Variants in FAM118A observed in about 807,000 individuals in gnomAD.
FAM118A encodes protein FAM118A.
In FAM118A, 25 loss-of-function variants were observed where a neutral mutation model predicts 38.2. The observed-to-expected ratio is 0.65, with a 90% confidence interval of 0.48 to 0.91. The LOEUF (loss-of-function observed/expected upper bound fraction) is 0.91. FAM118A is among the 40% of genes least tolerant of loss of function. The pLI, the probability that FAM118A is intolerant of heterozygous loss-of-function variation, is 0.00. For synonymous variants in FAM118A, 178 were observed against 184.1 expected (o/e 0.97, Z 0.27); for missense variants, 425 against 463.3 (o/e 0.92, Z 0.76).
intron 4 of FAM118A, chr22:45,329,421 A>G (rs1472419062): frequency 6.6e-6 from 1 of 152,216 alleles, no homozygotes; most frequent in African/African-American, 2.4e-5. Flanking sequence ...CACCTTGTCC[A>G]TTTGATAGCT....
chr22:45,311,182 G>A (rs2084347557), intron 1 of FAM118A, among the ~76,000 whole-genome samples: 1 of 152,178 alleles, frequency 6.6e-6, no homozygotes, highest in African/African-American at 2.4e-5. Flanking sequence ...TGAAGGTTGA[G>A]CTAGAGGAGA....
chr22:45,340,575 C>G lies in FAM118A; in HGVS notation c.*170C>G. The G allele has an allele frequency of 1.3e-6, 1 of 743,896 alleles. No individual in the cohort carries two copies. Among genetic ancestry groups the G allele is most frequent in the Non-Finnish European group, 2.3e-6 (1 of 427,862 alleles). 46.1% of individuals were successfully genotyped at this position (743,896 alleles called of 1,614,324 possible). A position where few individuals can be genotyped will look rare whatever the true frequency, so the allele number is the denominator to read the frequency against. ...CCTCAAGGCTGGGTGAGAGGGCTCC[C>G]CTGTGTGTTGAACTATGCAGGAGGG... On this transcript the variant is annotated 3_prime_UTR_variant, in exon 9 of 9. Transcript: ENST00000441876.
chr22:45,326,184 G>A (rs1173825666), intron 3 of FAM118A, among the ~76,000 whole-genome samples: 3 of 111,460 alleles, frequency 2.7e-5, no homozygotes, highest in Admixed American at 1.0e-4. Context: ...CCCCCACCCC[G>A]CCTCTCTGTC....
chr22:45,319,158 A>T (rs2084740005), intron 1 of FAM118A, among the ~76,000 whole-genome samples: 1 of 152,246 alleles, frequency 6.6e-6, no homozygotes, highest in African/African-American at 2.4e-5. Flanking sequence ...ACAGTGGTTG[A>T]AAGAACTAGA....
chr22:45,339,931 C>G lies in FAM118A; in HGVS notation c.1055-455C>G, dbSNP rs6007598. Among the ~76,000 whole-genome samples, 1,112 of 152,316 alleles carry G rather than the reference C, an allele frequency of 7.3e-3. 12 individuals carry two copies. Among genetic ancestry groups the G allele is most frequent in the African/African-American group, 0.026 (1,063 of 41,560 alleles). On this transcript the variant is annotated intron_variant, in intron 8 of 8. Coordinates refer to ENST00000441876, the MANE Select transcript of FAM118A (RefSeq NM_017911.4). The stretch of plus-strand genomic sequence containing the variant: ...CACCTGCAGCCCCGGCTCTCCCCAC[C>G]CAGTCATGTCTCCTTAGGGCGAAGC...
At position 45,323,041 on chromosome 22, in the gene FAM118A, C is replaced by CTGTGTGTGTGTGTG. The variant is rs3041118; in HGVS notation, c.48-112_48-99dup. ...CGTCTCCCCACAGCGTCAGAGGGGA[C>CTGTGTGTGTGTGTG]TGTGTGTGTGTGTGTGTGTGTGTGT... is the stretch of plus-strand genomic sequence containing the variant. On this transcript the variant is annotated intron_variant, in intron 2 of 8. Coordinates refer to ENST00000441876, the MANE Select transcript of FAM118A (RefSeq NM_017911.4). The CTGTGTGTGTGTGTG allele has an allele frequency of 1.3e-3, 867 of 659,562 alleles. 1 individual carries two copies. The highest frequency in any genetic ancestry group is 6.1e-3 in the African/African-American group (324 of 52,984). The allele number at this position is 659,562 out of a possible 1,614,324, so 40.9% of individuals were successfully genotyped here.
At chr22:45,326,125 A>T (rs1243041088) in intron 3 of FAM118A, among the ~76,000 whole-genome samples, 5 of 152,152 alleles carry the variant, frequency 3.3e-5, no homozygotes, top group Non-Finnish European at 5.9e-5. Context: ...AGAGGGTGAC[A>T]ATGAGGCTGG....
Position 45,340,514 on chromosome 22 carries a change from G to A in FAM118A, c.*109G>A, listed in dbSNP as rs1404668391. On this transcript the variant is annotated 3_prime_UTR_variant, in exon 9 of 9. Transcript: ENST00000441876. ...CACGTGGATCTCTGATTGCGAAACC[G>A]TCACATACACCAAGAGAGCCACATG... 3.0e-5 allele frequency: 39 copies of A among 1,315,686 alleles called. No individual in the cohort carries two copies. The highest frequency in any genetic ancestry group is 4.7e-5 in the South Asian group (4 of 84,482). The allele number at this position is 1,315,686 out of a possible 1,614,324, so 81.5% of individuals were successfully genotyped here. A position where few individuals can be genotyped will look rare whatever the true frequency, so the allele number is the denominator to read the frequency against.
intron 1 of FAM118A, among the ~76,000 whole-genome samples, chr22:45,315,194 G>A (rs1434271258): frequency 2.0e-5 from 3 of 152,110 alleles, no homozygotes; most frequent in African/African-American, 7.2e-5. Flanking sequence ...GGGTGTATAC[G>A]TCCAAGCAGC....
chr22:45,336,402 T>C lies in FAM118A; in HGVS notation c.1045T>C (p.Ser349Pro), dbSNP rs2086098791. ...GIEVSKKRTQ[S>P]DTDDAGGS Reference sequence around the variant, plus strand: ...TGAAGTTTCAAAAAAACGCACACAATCAGATACTGGTATTGTGTCTGTTCT... The same window carrying C: ...TGAAGTTTCAAAAAAACGCACACAACCAGATACTGGTATTGTGTCTGTTCT... The change falls in exon 8 of 9, where the codon TCA becomes CCA. Residue 349 changes from serine to proline, a missense_variant. Ser to Pro is a moderately conservative substitution (Grantham distance 74). Transcript: ENST00000441876. The C allele has an allele frequency of 6.2e-7, 1 of 1,613,326 alleles. No individual in the cohort carries two copies. Among genetic ancestry groups the C allele is most frequent in the Non-Finnish European group, 8.5e-7 (1 of 1,179,282 alleles).
At chr22:45,332,322 G>A (rs2085779175) in intron 5 of FAM118A, 103 bp from the exon 6 acceptor site, 1 of 1,278,206 alleles carries the variant, frequency 7.8e-7, no homozygotes, top group Non-Finnish European at 1.1e-6. Context: ...GGGAACGCCT[G>A]TCAGGGAGCA....
At chr22:45,325,578 A>G (rs1414242825) in intron 3 of FAM118A, among the ~76,000 whole-genome samples, 1 of 152,126 alleles carries the variant, frequency 6.6e-6, no homozygotes, top group Admixed American at 6.5e-5. Flanking sequence ...CCAGGGTGCT[A>G]GAGAGGTGGG....
chr22:45,327,440 G>T (rs1318166097), intron 3 of FAM118A, among the ~76,000 whole-genome samples: 1 of 152,080 alleles, frequency 6.6e-6, no homozygotes, highest in African/African-American at 2.4e-5. Context: ...TCCTGCCTCC[G>T]TGGCCTCTTG....
chr22:45,336,282 G>T, intron 7 of FAM118A, 46 bp from the exon 8 acceptor site: 1 of 1,517,534 alleles, frequency 6.6e-7, no homozygotes, highest in Non-Finnish European at 9.1e-7. Context: ...GCCTTGGCGA[G>T]TGGATTCTGA....
chr22:45,339,004 G>A lies in FAM118A; in HGVS notation c.1055-1382G>A, dbSNP rs149129095. On this transcript the variant is annotated intron_variant, in intron 8 of 8. Transcript: ENST00000441876. The stretch of plus-strand genomic sequence containing the variant: ...TGGCAGGGGGTGGGGGCGCCCTAGC[G>A]TCCTGCCGTCCAGGGGCAGGGAAGA... 3.0e-3 allele frequency among the ~76,000 whole-genome samples: 454 copies of A among 152,354 alleles called. 2 individuals carry two copies. The highest frequency in any genetic ancestry group is 0.01 in the African/African-American group (432 of 41,584).
intron 8 of FAM118A, chr22:45,337,994 G>A: frequency 1.5e-6 from 1 of 662,576 alleles, no homozygotes; most frequent in African/African-American, 2.0e-5. Flanking sequence ...TTTCCTGGGA[G>A]TTTTTAGGAT....
intron 2 of FAM118A, 51 bp downstream of exon 2, chr22:45,322,477 G>A (rs367778605): frequency 4.0e-5 from 60 of 1,502,346 alleles, no homozygotes; most frequent in African/African-American, 3.1e-4. Context: ...TTCATCTAGC[G>A]TCTCTCGTGA....
chr22:45,323,406 T>G lies in FAM118A; in HGVS notation c.279T>G (p.Asp93Glu), dbSNP rs752123598. 6.2e-7 allele frequency: 1 copy of G among 1,613,976 alleles called. No homozygotes were observed. The highest frequency in any genetic ancestry group is 8.5e-7 in the Non-Finnish European group (1 of 1,179,866). The change falls in exon 3 of 9, where the codon GAT (aspartate) becomes GAG (glutamate). Residue 93 changes from aspartate to glutamate, a missense_variant. Transcript: ENST00000441876. ...GGGACCTGTTGGTTGTCGCCCATGA[T>G]CTGATCCGGAAGATGTCACCTGTAA... ...KDRDLLVVAHDLIRKMSPRTG... is the reference protein window; with the variant it reads ...KDRDLLVVAHELIRKMSPRTG...
At chr22:45,333,380 T>C (rs1458099373) in intron 6 of FAM118A, among the ~76,000 whole-genome samples, 1 of 151,570 alleles carries the variant, frequency 6.6e-6, no homozygotes, top group Admixed American at 6.6e-5. Flanking sequence ...TTTTTAAAAA[T>C]TAGCTGGGTT....
Sources: gnomAD v4.1 joint callset for allele counts (sites outside exome capture counted in the v4.1 genomes callset) on GRCh38, gnomAD v4.1.1 for gene constraint, MANE v1.5 for transcripts, NCBI Gene and HGNC (gene_info 2026-07-23, HGNC 2026-07-21) for gene names.